The following CACNA2D3 variants were observed in gnomAD, a reference collection of about 807,000 sequenced individuals.
CACNA2D3 encodes the protein voltage-dependent calcium channel subunit alpha-2/delta-3.
Under a neutral mutation model 160.6 loss-of-function variants are expected in CACNA2D3, and 60 were observed. That is an observed-to-expected ratio of 0.37 (90% CI 0.30 to 0.46). CACNA2D3 has a LOEUF of 0.46. Ranked by LOEUF, CACNA2D3 falls within the 20% of genes least tolerant of loss-of-function variation. CACNA2D3 has a pLI of 1.00. For synonymous variants in CACNA2D3, 558 were observed against 492.9 expected (o/e 1.13, Z -1.75); for missense variants, 1,205 against 1,365.0 (o/e 0.88, Z 1.85).
chr3:54,803,102 G>A (rs955523301), intron 13 of CACNA2D3, among the ~76,000 whole-genome samples: 6 of 152,236 alleles, frequency 3.9e-5, no homozygotes, highest in African/African-American at 1.4e-4. Context: ...AAACCACAAA[G>A]ATGGGGAAAA....
intron 35 of CACNA2D3, among the ~76,000 whole-genome samples, chr3:55,058,426 G>C (rs1704419087): frequency 6.6e-6 from 1 of 152,074 alleles, no homozygotes; most frequent in African/African-American, 2.4e-5. Context: ...CTTCTGGGGA[G>C]AACCCACCCC....
chr3:54,818,559 G>A (rs988777565), intron 14 of CACNA2D3, among the ~76,000 whole-genome samples: 2 of 152,202 alleles, frequency 1.3e-5, no homozygotes, highest in Non-Finnish European at 2.9e-5. Context: ...TAATACTTCA[G>A]TAGCACTTAC....
intron 4 of CACNA2D3, among the ~76,000 whole-genome samples, chr3:54,482,154 C>T (rs1302745040): frequency 6.6e-6 from 1 of 152,168 alleles, no homozygotes; most frequent in Non-Finnish European, 1.5e-5. Flanking sequence ...GATGTCATAA[C>T]CGAAACTGAT....
chr3:54,319,373 T>A (rs1299137545), intron 2 of CACNA2D3, among the ~76,000 whole-genome samples: 1 of 152,034 alleles, frequency 6.6e-6, no homozygotes, highest in Non-Finnish European at 1.5e-5. Flanking sequence ...AGAGCTGAGA[T>A]GAGATGTGGA....
chr3:54,817,242 G>A (rs1016986990), intron 14 of CACNA2D3, among the ~76,000 whole-genome samples: 1 of 152,192 alleles, frequency 6.6e-6, no homozygotes, highest in African/African-American at 2.4e-5. Context: ...TTAGTAAGGC[G>A]TGGTAACCAA....
At chr3:55,019,573 A>T (rs1298381617) in intron 35 of CACNA2D3, among the ~76,000 whole-genome samples, 1 of 152,186 alleles carries the variant, frequency 6.6e-6, no homozygotes, top group Non-Finnish European at 1.5e-5. Context: ...TGAAATAACT[A>T]GTATATGAAC....
chr3:54,638,185 T>G (rs1223415252), intron 10 of CACNA2D3: 1 of 151,938 alleles, frequency 6.6e-6, no homozygotes, highest in Non-Finnish European at 1.5e-5. Context: ...GGTAATAAAA[T>G]GTATATTGAG....
At chr3:54,921,804 C>T (rs1016978115) in intron 27 of CACNA2D3, among the ~76,000 whole-genome samples, 4 of 152,118 alleles carry the variant, frequency 2.6e-5, no homozygotes, top group African/African-American at 9.7e-5. Context: ...TTGAACTCTG[C>T]CATGAATGAG....
At chr3:54,394,318 A>ATTTTTTTTTTTT (rs34291779) in intron 4 of CACNA2D3, among the ~76,000 whole-genome samples, 1 of 139,292 alleles carries the variant, frequency 7.2e-6, no homozygotes, top group Admixed American at 7.2e-5. Flanking sequence ...GAGAGTGAAC[A>ATTTTTTTTTTTT]TTTTTTTTTT....
At chr3:54,292,543 A>T (rs1269630160) in intron 2 of CACNA2D3, among the ~76,000 whole-genome samples, 1 of 152,230 alleles carries the variant, frequency 6.6e-6, no homozygotes, top group African/African-American at 2.4e-5. Flanking sequence ...TTCAAAGAAG[A>T]TACACAAATG....
At chr3:54,440,732 C>G (rs545974926) in intron 4 of CACNA2D3, among the ~76,000 whole-genome samples, 2 of 152,022 alleles carry the variant, frequency 1.3e-5, no homozygotes, top group Admixed American at 1.3e-4. Flanking sequence ...TGAGAACATG[C>G]GGTGTTTGGT....
At chr3:54,252,042 A>G (rs933354107) in intron 2 of CACNA2D3, among the ~76,000 whole-genome samples, 1 of 148,572 alleles carries the variant, frequency 6.7e-6, no homozygotes, top group African/African-American at 2.5e-5. Flanking sequence ...AGCTCCCAAG[A>G]TACACTGTGT....
At chr3:54,771,140 C>A (rs1022779349) in intron 13 of CACNA2D3, among the ~76,000 whole-genome samples, 1 of 152,044 alleles carries the variant, frequency 6.6e-6, no homozygotes, top group African/African-American at 2.4e-5. Context: ...GCTGTGTACT[C>A]CAAGAAGGAG....
At chr3:54,547,560 C>A (rs1702084524) in intron 5 of CACNA2D3, among the ~76,000 whole-genome samples, 1 of 151,882 alleles carries the variant, frequency 6.6e-6, no homozygotes, top group Non-Finnish European at 1.5e-5. Context: ...GTTACGTGGC[C>A]ACATCTACAG....
At chr3:54,410,232 T>C (rs954933789) in intron 4 of CACNA2D3, among the ~76,000 whole-genome samples, 12 of 152,184 alleles carry the variant, frequency 7.9e-5, no homozygotes, top group Non-Finnish European at 4.4e-5. Flanking sequence ...CTTGCATGTG[T>C]AATACCAGCT....
At chr3:54,877,043 G>C (rs183380415) in intron 18 of CACNA2D3, 1 of 152,178 alleles carries the variant, frequency 6.6e-6, no homozygotes, top group South Asian at 2.1e-4. Context: ...TCTCCTTTTC[G>C]GTCTATGTAA....
chr3:54,638,706 C>T (rs1446834865), intron 10 of CACNA2D3: 1 of 151,902 alleles, frequency 6.6e-6, no homozygotes, highest in African/African-American at 2.4e-5. Flanking sequence ...AAAAGAATGC[C>T]TGGACGTCAG....
chr3:54,211,549 ACCTT>A (rs1318776469), intron 2 of CACNA2D3, among the ~76,000 whole-genome samples: 2 of 152,070 alleles, frequency 1.3e-5, no homozygotes, highest in Non-Finnish European at 2.9e-5. Flanking sequence ...TAATACCCCT[ACCTT>A]GGAACCTTAC....
intron 4 of CACNA2D3, among the ~76,000 whole-genome samples, chr3:54,388,390 G>A (rs992264758): frequency 5.9e-5 from 9 of 152,208 alleles, no homozygotes; most frequent in Admixed American, 5.9e-4. Context: ...CAGTCATTGA[G>A]CTGGGTGAGG....
Sources: allele counts gnomAD v4.1 joint callset (sites outside exome capture counted in the v4.1 genomes callset), GRCh38; gene constraint gnomAD v4.1.1; transcripts MANE v1.5; gene names NCBI Gene and HGNC (gene_info 2026-07-23, HGNC 2026-07-21).